VWA3B: variants seen among roughly 807,000 people sequenced by gnomAD.
VWA3B encodes von Willebrand factor A domain containing 3B, also known as von Willebrand factor A domain-containing protein 3B.
Under a neutral mutation model 158.3 loss-of-function variants are expected in VWA3B, and 138 were observed. That is an observed-to-expected ratio of 0.87 (90% CI 0.76 to 1.00). The LOEUF (loss-of-function observed/expected upper bound fraction) is 1.00. Among genes scored for constraint, VWA3B ranks in the 50% least tolerant of loss-of-function variants. The pLI is 0.00. For missense variants in VWA3B, 1,555 were observed against 1,565.1 expected (o/e 0.99, Z 0.11); for synonymous variants, 596 against 587.3 (o/e 1.01, Z -0.21).
chr2:98,320,977 G>C, the VWA3B span, among the ~76,000 whole-genome samples: 1 of 152,168 alleles, frequency 6.6e-6, no homozygotes, highest in Non-Finnish European at 1.5e-5. Flanking sequence ...GCGTAGGACG[G>C]AAAAAATGGT....
chr2:98,210,491 ACG>A (rs1683418106), intron 12 of VWA3B, among the ~76,000 whole-genome samples: 1 of 152,122 alleles, frequency 6.6e-6, no homozygotes, highest in Non-Finnish European at 1.5e-5. Flanking sequence ...AATGTCTGGC[ACG>A]TGGTACTTAT....
In VWA3B at chr2:98,187,664, CTGTGTGTGTGTG is replaced by C. The variant is rs3066239; in HGVS notation, c.1312-283_1312-272del. Among the ~76,000 whole-genome samples, 139 of 141,796 alleles carry C rather than the reference CTGTGTGTGTGTG, an allele frequency of 9.8e-4. 1 individual carries two copies. Among genetic ancestry groups the C allele is most frequent in the Admixed American group, 2.4e-3 (35 of 14,310 alleles). The allele number at this position is 141,796 out of a possible 152,430, so 93.0% of individuals were successfully genotyped here. A position where few individuals can be genotyped will look rare whatever the true frequency, so the allele number is the denominator to read the frequency against. On this transcript the variant is annotated intron_variant, in intron 9 of 27. Coordinates refer to ENST00000477737, the MANE Select transcript of VWA3B (RefSeq NM_144992.5). The stretch of plus-strand genomic sequence containing the variant: ...TCCCTCTCCCTCTCCGTCTCTGTGT[CTGTGTGTGTGTG>C]TGTGTGTGTGTGTGTGTGTGTGTGT...
chr2:98,210,378 A>G (rs946882435), intron 12 of VWA3B, among the ~76,000 whole-genome samples: 4 of 152,156 alleles, frequency 2.6e-5, no homozygotes, highest in African/African-American at 9.7e-5. Context: ...CTTTTGGCAC[A>G]GTGTTAGGTC....
At chr2:98,179,905 T>C (rs1680394660) in intron 8 of VWA3B, among the ~76,000 whole-genome samples, 1 of 146,660 alleles carries the variant, frequency 6.8e-6, no homozygotes, top group Non-Finnish European at 1.5e-5. Context: ...TCTTTCTCTT[T>C]CTTCTCTCTC....
chr2:98,166,206 G>A (rs1471578877), intron 8 of VWA3B, among the ~76,000 whole-genome samples: 5 of 152,064 alleles, frequency 3.3e-5, no homozygotes, highest in African/African-American at 1.2e-4. Flanking sequence ...GTGTGGTGGC[G>A]CATGCCTTTA....
intron 13 of VWA3B, among the ~76,000 whole-genome samples, chr2:98,214,571 A>C (rs1446171394): frequency 6.6e-6 from 1 of 152,210 alleles, no homozygotes. Flanking sequence ...TCTGTTATAC[A>C]GCAAAAATGT....
intron 8 of VWA3B, among the ~76,000 whole-genome samples, chr2:98,178,294 G>A (rs1052672873): frequency 3.9e-5 from 6 of 152,174 alleles, no homozygotes; most frequent in Admixed American, 1.3e-4. Context: ...TTTGATGCAA[G>A]GTTGGTTTAA....
chr2:98,156,283 A>G (rs1241719735), intron 7 of VWA3B, among the ~76,000 whole-genome samples: 1 of 152,250 alleles, frequency 6.6e-6, no homozygotes, highest in African/African-American at 2.4e-5. Flanking sequence ...ATTTTAAAGC[A>G]TTGGCTTCCT....
the VWA3B span, among the ~76,000 whole-genome samples, chr2:98,328,925 T>A: frequency 6.6e-6 from 1 of 152,174 alleles, no homozygotes; most frequent in Non-Finnish European, 1.5e-5. Flanking sequence ...ACCTACCTCA[T>A]CTCAAGGCCT....
intron 8 of VWA3B, among the ~76,000 whole-genome samples, chr2:98,170,142 A>G (rs1181328774): frequency 2.0e-5 from 3 of 152,102 alleles, no homozygotes; most frequent in Admixed American, 1.3e-4. Flanking sequence ...GAATGAATGG[A>G]TGAATGAATC....
intron 26 of VWA3B, among the ~76,000 whole-genome samples, chr2:98,310,711 C>T (rs1267764970): frequency 6.6e-6 from 1 of 152,176 alleles, no homozygotes; most frequent in Non-Finnish European, 1.5e-5. Context: ...CTCTCAGAAC[C>T]TGCTATCACA....
At chr2:98,236,804 C>A (rs1685725015) in intron 19 of VWA3B, 74 bp downstream of exon 19, 1 of 1,530,732 alleles carries the variant, frequency 6.5e-7, no homozygotes. Context: ...AGTCCAATTT[C>A]TTGTGTGGTT....
intron 26 of VWA3B, among the ~76,000 whole-genome samples, chr2:98,307,849 C>A (rs2106013147): frequency 6.6e-6 from 1 of 152,306 alleles, no homozygotes; most frequent in South Asian, 2.1e-4. Flanking sequence ...TTTACTATAA[C>A]TATCTGCTTG....
At chr2:98,193,727 C>G (rs1384309898) in intron 11 of VWA3B, among the ~76,000 whole-genome samples, 1 of 151,904 alleles carries the variant, frequency 6.6e-6, no homozygotes, top group African/African-American at 2.4e-5. Context: ...GTAGCTGGGA[C>G]TACAGGCGCC....
chr2:98,136,656 A>G (rs989372959), intron 7 of VWA3B, among the ~76,000 whole-genome samples: 3 of 151,554 alleles, frequency 2.0e-5, no homozygotes, highest in African/African-American at 7.3e-5. Flanking sequence ...TTATAAGAGC[A>G]CTAATCTTAT....
intron 2 of VWA3B, among the ~76,000 whole-genome samples, chr2:98,104,233 T>C (rs982858070): frequency 6.6e-6 from 1 of 152,226 alleles, no homozygotes; most frequent in African/African-American, 2.4e-5. Flanking sequence ...TGTAAAGGTA[T>C]GACTGAGGCT....
intron 8 of VWA3B, among the ~76,000 whole-genome samples, chr2:98,173,239 CT>C (rs1291060371): frequency 6.6e-6 from 1 of 152,176 alleles, no homozygotes; most frequent in Non-Finnish European, 1.5e-5. Context: ...GAATGACACA[CT>C]TGTCAAAGTG....
chr2:98,228,144 T>G, intron 14 of VWA3B, 58 bp from the exon 15 acceptor site: 2 of 1,516,462 alleles, frequency 1.3e-6, no homozygotes, highest in Admixed American at 4.2e-5. Flanking sequence ...AGAAACATGT[T>G]TGGAATTTGA....
chr2:98,112,753 T>C (rs956208166), intron 2 of VWA3B, among the ~76,000 whole-genome samples: 6 of 152,092 alleles, frequency 3.9e-5, no homozygotes, highest in Non-Finnish European at 2.9e-5. Flanking sequence ...ATCTGTTCTC[T>C]CTTTTTCTTC....
Sources: allele counts gnomAD v4.1 joint callset (sites outside exome capture counted in the v4.1 genomes callset), GRCh38; gene constraint gnomAD v4.1.1; transcripts MANE v1.5; gene names NCBI Gene and HGNC (gene_info 2026-07-23, HGNC 2026-07-21).